Variants in TNKS observed in about 807,000 individuals in gnomAD.
TNKS encodes the protein poly [ADP-ribose] polymerase tankyrase-1.
TNKS carries 72 observed loss-of-function variants against 135.8 expected under a neutral mutation model. The ratio of observed to expected loss-of-function variants is 0.53; its 90% CI spans 0.44 to 0.64. The LOEUF is 0.64. Among genes scored for constraint, TNKS ranks in the 30% least tolerant of loss-of-function variants. The pLI is 0.00. For synonymous variants in TNKS, 849 were observed against 649.3 expected, an observed-to-expected ratio of 1.31 and a Z score of -4.68; for missense variants, 1,769 against 1,674.0, an observed-to-expected ratio of 1.06 and a Z score of -0.99.
rs769451965 is a variant in TNKS, at chr8:9,555,925, TA to T, written c.-14del. 2 of 1,603,940 alleles carry T rather than the reference TA, an allele frequency of 1.2e-6. No individual in the cohort carries two copies. Among genetic ancestry groups the T allele is most frequent in the Non-Finnish European group, 1.7e-6 (2 of 1,175,642 alleles). ...GGGGCCGTTGCCGCAGTGACAGTGC[TA>T]GGGGAGTCCGAAGATGGCGGCGTCG... On this transcript the variant is annotated 5_prime_UTR_variant, in exon 1 of 27. Coordinates refer to ENST00000310430, the MANE Select transcript of TNKS (RefSeq NM_003747.3).
intron 2 of TNKS, among the ~76,000 whole-genome samples, chr8:9,580,700 G>A (rs1478848184): frequency 8.6e-5 from 13 of 152,006 alleles, no homozygotes. Context: ...ATCAATGAGA[G>A]CCATTATAAA....
Position 9,618,492 on chromosome 8 carries a change from G to C in TNKS, c.994+2815G>C, listed in dbSNP as rs549626698. 9.2e-5 allele frequency among the ~76,000 whole-genome samples: 14 copies of C among 152,236 alleles called. No individual in the cohort carries two copies. In the East Asian group the frequency reaches 2.1e-3, roughly 23 times the overall value. On this transcript the variant is annotated intron_variant, in intron 3 of 26. Transcript: ENST00000310430. ...ATGGTAGACTTAGAAGAAATCTTGA[G>C]GGCTTTCTTTTGTTTTTCTGCTAAT... is the stretch of plus-strand genomic sequence containing the variant.
At chr8:9,610,265 A>G (rs1282691539) in intron 2 of TNKS, among the ~76,000 whole-genome samples, 1 of 151,210 alleles carries the variant, frequency 6.6e-6, no homozygotes, top group Admixed American at 6.6e-5. Context: ...TGTATTTTGG[A>G]TGAAAAGATA....
intron 2 of TNKS, among the ~76,000 whole-genome samples, chr8:9,601,092 A>G (rs893778258): frequency 2.6e-5 from 4 of 152,336 alleles, no homozygotes; most frequent in Non-Finnish European, 5.9e-5. Flanking sequence ...CTGAGGATCA[A>G]TATCCCATTA....
rs543408004 is a variant in TNKS at position 9,765,837 on chromosome 8, C to T, written c.3553+40C>T. ...AGGGACGGTGGACGTCTCCCTGGGC[C>T]TTTGCAGGAGTCAGTAAAGGGAAAA... is the stretch of plus-strand genomic sequence containing the variant. On this transcript the variant is annotated intron_variant, in intron 24 of 26. Transcript: ENST00000310430. 6.4e-6 allele frequency: 10 copies of T among 1,550,448 alleles called. No homozygotes were observed. The South Asian group carries it at 9.0e-5, about 14-fold the overall frequency.
chr8:9,596,988 G>A (rs915498430), intron 2 of TNKS, among the ~76,000 whole-genome samples: 17 of 152,238 alleles, frequency 1.1e-4, no homozygotes, highest in Admixed American at 6.5e-5. Flanking sequence ...AGTGGTATAC[G>A]AGGTATTAAG....
intron 1 of TNKS, among the ~76,000 whole-genome samples, chr8:9,569,523 A>C (rs1258522157): frequency 6.6e-6 from 1 of 152,124 alleles, no homozygotes; most frequent in African/African-American, 2.4e-5. Context: ...TAGTTTGTTC[A>C]TTTTCATTGT....
At chr8:9,629,173 A>G (rs1343706486) in intron 3 of TNKS, among the ~76,000 whole-genome samples, 2 of 152,230 alleles carry the variant, frequency 1.3e-5, no homozygotes, top group Admixed American at 1.3e-4. Context: ...GCACTAGAAT[A>G]TAAATCAATG....
At chr8:9,595,401 A>T (rs1798743435) in intron 2 of TNKS, among the ~76,000 whole-genome samples, 1 of 152,096 alleles carries the variant, frequency 6.6e-6, no homozygotes, top group African/African-American at 2.4e-5. Flanking sequence ...CTTTGGAAAT[A>T]ATCTCCGCTG....
chr8:9,642,265 C>T (rs1465565280), intron 3 of TNKS, among the ~76,000 whole-genome samples: 1 of 146,290 alleles, frequency 6.8e-6, no homozygotes, highest in African/African-American at 2.5e-5. Flanking sequence ...CTTTTGCTAG[C>T]ACAGAATGAG....
chr8:9,621,663 A>G (rs766856183), intron 3 of TNKS, among the ~76,000 whole-genome samples: 3 of 152,138 alleles, frequency 2.0e-5, no homozygotes, highest in Non-Finnish European at 4.4e-5. Flanking sequence ...AACCTGGCAT[A>G]TTGCATACCA....
rs1033569730 is a variant in TNKS at position 9,615,444 on chromosome 8, T to G, written c.899-138T>G. The stretch of plus-strand genomic sequence containing the variant: ...CTCCTTTGCTGCAGTGCTTTTTTGC[T>G]TTTTTTCTTTTTTTTTCTTGAAAGA... On this transcript the variant is annotated intron_variant, in intron 2 of 26. Transcript: ENST00000310430. The G allele has an allele frequency of 6.4e-6, 4 of 626,580 alleles. No homozygotes were observed. In the Admixed American group the frequency reaches 1.5e-4, roughly 24 times the overall value. The allele number at this position is 626,580 out of a possible 1,614,324, so 38.8% of individuals were successfully genotyped here.
intron 2 of TNKS, among the ~76,000 whole-genome samples, chr8:9,609,254 C>T (rs993569277): frequency 2.6e-5 from 4 of 152,012 alleles, no homozygotes; most frequent in Non-Finnish European, 5.9e-5. Flanking sequence ...ATTTATGTGC[C>T]TCATTATCTT....
chr8:9,677,700 T>C (rs1241534242), intron 3 of TNKS, among the ~76,000 whole-genome samples: 1 of 152,188 alleles, frequency 6.6e-6, no homozygotes, highest in Non-Finnish European at 1.5e-5. Context: ...GCACTACCCT[T>C]GTTAAAATAT....
At chr8:9,707,050 C>T (rs1218119159) in intron 8 of TNKS, 53 bp downstream of exon 8, 2 of 1,441,468 alleles carry the variant, frequency 1.4e-6, no homozygotes, top group African/African-American at 1.4e-5. Context: ...TATTTAATTT[C>T]TGTTGAGTTT....
chr8:9,682,555 TA>T (rs1324682319), intron 5 of TNKS, among the ~76,000 whole-genome samples: 2 of 152,236 alleles, frequency 1.3e-5, no homozygotes, highest in Non-Finnish European at 2.9e-5. Flanking sequence ...TTTTCTATAT[TA>T]CTCTGTGGCA....
intron 26 of TNKS, among the ~76,000 whole-genome samples, chr8:9,775,845 A>G (rs1808200800): frequency 6.6e-6 from 1 of 152,150 alleles, no homozygotes; most frequent in African/African-American, 2.4e-5. Context: ...GAACTACTGA[A>G]TCTAGTTTCA....
At chr8:9,638,302 C>G (rs1160710771) in intron 3 of TNKS, among the ~76,000 whole-genome samples, 1 of 152,212 alleles carries the variant, frequency 6.6e-6, no homozygotes, top group Non-Finnish European at 1.5e-5. Context: ...CTGTGTTTGC[C>G]TTAATCATGG....
rs1491150725 is a variant in TNKS, at chr8:9,598,703, A to AT, written c.899-16878dup. 4.0e-3 allele frequency among the ~76,000 whole-genome samples: 447 copies of AT among 112,840 alleles called. 2 individuals carry two copies. The highest frequency in any genetic ancestry group is 0.015 in the African/African-American group (415 of 27,010). 74.0% of individuals were successfully genotyped at this position (112,840 alleles called of 152,430 possible). ...GCCACAGAGCAAGACCTTGTCTAAA[A>AT]TATGTGTGTGTGTGTGTGTGTGTGT... is the stretch of plus-strand genomic sequence containing the variant. On this transcript the variant is annotated intron_variant, in intron 2 of 26. Transcript: ENST00000310430.
Sources: allele counts gnomAD v4.1 joint callset (sites outside exome capture counted in the v4.1 genomes callset), GRCh38; gene constraint gnomAD v4.1.1; transcripts MANE v1.5; gene names NCBI Gene and HGNC (gene_info 2026-07-23, HGNC 2026-07-21).